THSD4: variants seen among roughly 807,000 people sequenced by gnomAD.
THSD4 encodes the protein thrombospondin type 1 domain containing 4, also known as thrombospondin type-1 domain-containing protein 4.
Under a neutral mutation model 119.0 loss-of-function variants are expected in THSD4, and 69 were observed. The ratio of observed to expected loss-of-function variants is 0.58; its 90% CI spans 0.48 to 0.71. The LOEUF is 0.71. THSD4 is among the 30% of genes least tolerant of loss of function. The pLI is 0.00. For missense variants in THSD4, 1,393 were observed against 1,391.1 expected (o/e 1.00, Z -0.02); for synonymous variants, 524 against 540.4 (o/e 0.97, Z 0.42).
rs1288006880 is a variant in THSD4, at chr15:71,745,242, A to G, written c.2036+7A>G. 5 of 1,613,760 alleles carry G rather than the reference A, an allele frequency of 3.1e-6. No individual in the cohort carries two copies. The highest frequency in any genetic ancestry group is 3.4e-6 in the Non-Finnish European group (4 of 1,179,838). ...TCTTCCCTTGCCCAGCCTTGTAAGA[A>G]GGCCCCTCCATTTAGGTCGCCTATT... On this transcript the variant is annotated splice_region_variant and intron_variant, in intron 12 of 17. Coordinates refer to ENST00000261862, the MANE Select transcript of THSD4 (RefSeq NM_024817.3).
chr15:71,100,629 T>C (rs2040250047), intron 1 of THSD4, among the ~76,000 whole-genome samples: 1 of 152,186 alleles, frequency 6.6e-6, no homozygotes, highest in Non-Finnish European at 1.5e-5. Flanking sequence ...ATTTGTTACA[T>C]AGAAACAGAT....
At chr15:71,569,430 CT>C (rs1477681336) in intron 7 of THSD4, among the ~76,000 whole-genome samples, 2 of 152,162 alleles carry the variant, frequency 1.3e-5, no homozygotes, top group Non-Finnish European at 2.9e-5. Flanking sequence ...GACTAAACAT[CT>C]TTCAAAAGTT....
At chr15:71,688,372 G>A (rs914455330) in intron 8 of THSD4, among the ~76,000 whole-genome samples, 1 of 152,278 alleles carries the variant, frequency 6.6e-6, no homozygotes, top group African/African-American at 2.4e-5. Flanking sequence ...GCATTTACAT[G>A]CTCCAGTGAA....
intron 8 of THSD4, among the ~76,000 whole-genome samples, chr15:71,720,022 C>CTTTTTTTTTTTCTTT (rs2052685233): frequency 8.7e-6 from 1 of 114,470 alleles, no homozygotes; most frequent in Non-Finnish European, 1.6e-5. Flanking sequence ...ATAACATGTG[C>CTTTTTTTTTTTCTTT]TTTTTTTTTT....
intron 7 of THSD4, among the ~76,000 whole-genome samples, chr15:71,543,567 A>G (rs777590155): frequency 1.3e-5 from 2 of 152,200 alleles, no homozygotes; most frequent in Non-Finnish European, 2.9e-5. Flanking sequence ...GATGTCATTT[A>G]CTGAGATGGA....
chr15:71,416,124 A>G (rs2046756918), intron 7 of THSD4, among the ~76,000 whole-genome samples: 1 of 152,112 alleles, frequency 6.6e-6, no homozygotes, highest in African/African-American at 2.4e-5. Flanking sequence ...TGCCTGGTTT[A>G]TTTCACTTAA....
At chr15:71,345,735 C>T (rs1211694154) in intron 6 of THSD4, among the ~76,000 whole-genome samples, 11 of 151,262 alleles carry the variant, frequency 7.3e-5, no homozygotes, top group Admixed American at 2.0e-4. Flanking sequence ...CTAAGATGCC[C>T]CTAAAGACAT....
intron 6 of THSD4, among the ~76,000 whole-genome samples, chr15:71,349,035 TC>T (rs1293227684): frequency 6.6e-6 from 1 of 152,242 alleles, no homozygotes; most frequent in Non-Finnish European, 1.5e-5. Context: ...ATCCTTCCTA[TC>T]TGTGTTCACA....
At chr15:71,508,632 A>G (rs1286034533) in intron 7 of THSD4, among the ~76,000 whole-genome samples, 1 of 152,188 alleles carries the variant, frequency 6.6e-6, no homozygotes, top group Non-Finnish European at 1.5e-5. Context: ...TGCAAAGTAA[A>G]GGGGGTGAGC....
At chr15:71,258,191 G>GT (rs1417575767) in intron 6 of THSD4, among the ~76,000 whole-genome samples, 1 of 152,070 alleles carries the variant, frequency 6.6e-6, no homozygotes. Context: ...TTTTTGTTTT[G>GT]TTTTTGAGGT....
At chr15:71,754,456 A>G (rs954188229) in intron 14 of THSD4, among the ~76,000 whole-genome samples, 1 of 91,098 alleles carries the variant, frequency 1.1e-5, no homozygotes, top group Non-Finnish European at 2.1e-5. Flanking sequence ...AAACCAGATC[A>G]TACATGGCTG....
At chr15:71,150,506 T>C (rs2040710569) in intron 2 of THSD4, among the ~76,000 whole-genome samples, 1 of 152,250 alleles carries the variant, frequency 6.6e-6, no homozygotes, top group African/African-American at 2.4e-5. Flanking sequence ...ATTTATTCTA[T>C]TCCATTCAGA....
At chr15:71,142,089 C>T (rs1181718035) in intron 2 of THSD4, among the ~76,000 whole-genome samples, 2 of 151,868 alleles carry the variant, frequency 1.3e-5, no homozygotes, top group African/African-American at 4.9e-5. Context: ...TTCTAAAGAA[C>T]TTAAAAAAAT....
At chr15:71,343,786 C>T (rs1287115330) in intron 6 of THSD4, among the ~76,000 whole-genome samples, 1 of 149,708 alleles carries the variant, frequency 6.7e-6, no homozygotes, top group Non-Finnish European at 1.5e-5. Context: ...CAAAATGGCT[C>T]ACTGCAGCCT....
intron 3 of THSD4, among the ~76,000 whole-genome samples, chr15:71,211,025 G>C (rs995182375): frequency 2.6e-5 from 4 of 152,184 alleles, no homozygotes; most frequent in Admixed American, 1.3e-4. Context: ...TGGTGAAAGA[G>C]TATGTGCATT....
chr15:71,299,976 A>AAAAAAAAAATAT (rs1555462049), intron 6 of THSD4, among the ~76,000 whole-genome samples: 1 of 48,320 alleles, frequency 2.1e-5, no homozygotes, highest in African/African-American at 7.7e-5. Flanking sequence ...AAAAAAAAAA[A>AAAAAAAAAATAT]ATATATATAT....
chr15:71,565,182 A>G lies in THSD4; in HGVS notation c.1153-95348A>G, dbSNP rs1431485251. Among the ~76,000 whole-genome samples, 7 of 152,356 alleles carry G rather than the reference A, an allele frequency of 4.6e-5. No homozygotes were observed. In the East Asian group the frequency reaches 1.3e-3, roughly 29 times the overall value. On this transcript the variant is annotated intron_variant, in intron 7 of 17. Coordinates refer to ENST00000261862, the MANE Select transcript of THSD4 (RefSeq NM_024817.3). Reference sequence around the variant, plus strand: ...GAGGTCACATGCTCATCCCTGACCCAGTGGAGATAAATGTGCTGATTGCCA... The same window carrying G: ...GAGGTCACATGCTCATCCCTGACCCGGTGGAGATAAATGTGCTGATTGCCA...
chr15:71,140,947 A>G (rs1465762479), intron 1 of THSD4, among the ~76,000 whole-genome samples: 2 of 152,258 alleles, frequency 1.3e-5, no homozygotes, highest in Admixed American at 6.5e-5. Flanking sequence ...ATGGAATCAT[A>G]TAATGCATGC....
chr15:71,159,795 T>C lies in THSD4; in HGVS notation c.99+4863T>C, dbSNP rs950795087. Among the ~76,000 whole-genome samples the C allele has an allele frequency of 2.6e-5, 4 of 152,246 alleles. No individual in the cohort carries two copies. In the South Asian group the frequency reaches 6.2e-4, roughly 24 times the overall value. On this transcript the variant is annotated intron_variant, in intron 3 of 17. Transcript: ENST00000261862. ...CCTTTATTTTTTTCTCTTGCCTAAT[T>C]GCTCTGGCTAGGAATTCCTATGTTG...
Sources: allele counts gnomAD v4.1 joint callset (sites outside exome capture counted in the v4.1 genomes callset), GRCh38; gene constraint gnomAD v4.1.1; transcripts MANE v1.5; gene names NCBI Gene and HGNC (gene_info 2026-07-23, HGNC 2026-07-21).